Variants in CLTRN observed in about 807,000 individuals in gnomAD.
CLTRN encodes the protein collectrin.
In CLTRN, 12 loss-of-function variants were observed where a neutral mutation model predicts 14.5. That is an observed-to-expected ratio of 0.83 (90% confidence interval 0.53 to 1.34). The LOEUF is 1.34. Among genes scored for constraint, CLTRN ranks in the 40% most tolerant of loss-of-function variants. The pLI is 0.00. For synonymous variants in CLTRN, 58 were observed against 56.5 expected, an observed-to-expected ratio of 1.03 and a Z score of -0.12; for missense variants, 154 against 165.1, an observed-to-expected ratio of 0.93 and a Z score of 0.37.
intron 1 of CLTRN, among the ~76,000 whole-genome samples, chrX:15,670,482 A>G (rs1929697955): frequency 9.0e-6 from 1 of 111,617 alleles, no homozygotes; most frequent in Non-Finnish European, 1.9e-5. Context: ...ATATATAATA[A>G]ACAATATCAA....
intron 1 of CLTRN, among the ~76,000 whole-genome samples, chrX:15,672,099 T>G (rs898890652): frequency 2.2e-4 from 25 of 112,257 alleles, no homozygotes; most frequent in Non-Finnish European, 4.5e-4. Flanking sequence ...AGTTAATCAC[T>G]ACCGTTTGGA....
intron 3 of CLTRN, among the ~76,000 whole-genome samples, chrX:15,647,634 C>G (rs1929119569): frequency 1.2e-5 from 1 of 80,383 alleles, no homozygotes; most frequent in Non-Finnish European, 2.5e-5. Flanking sequence ...TAGGTGCCAG[C>G]AGCACACTCA....
upstream of CLTRN, among the ~76,000 whole-genome samples, chrX:15,669,196 T>C (rs1388720344): frequency 8.9e-6 from 1 of 112,023 alleles, no homozygotes; most frequent in Non-Finnish European, 1.9e-5. Flanking sequence ...CAGCATATTA[T>C]ATTTTCCTAT....
At chrX:15,656,781 G>A (rs376990150) in intron 3 of CLTRN, among the ~76,000 whole-genome samples, 56 of 110,413 alleles carry the variant, frequency 5.1e-4, no homozygotes, top group Middle Eastern at 4.3e-3. Flanking sequence ...AACACATCTC[G>A]CTCGCCAATT....
At chrX:15,629,338 C>T (rs1267806438) in intron 5 of CLTRN, among the ~76,000 whole-genome samples, 3 of 110,606 alleles carry the variant, frequency 2.7e-5, no homozygotes, top group Admixed American at 9.7e-5. Flanking sequence ...CAATGATGAC[C>T]GAGATGGAAT....
At chrX:15,638,827 C>T (rs1030115678) in intron 5 of CLTRN, among the ~76,000 whole-genome samples, 1 of 111,884 alleles carries the variant, frequency 8.9e-6, no homozygotes, top group Admixed American at 9.5e-5. Context: ...TCTAGGTAAA[C>T]GAACTCAAGA....
At position 15,639,654 on chromosome X, in the gene CLTRN, C is replaced by T. The variant is rs766860973; in HGVS notation, c.420G>A (p.Val140=). The T allele has an allele frequency of 8.3e-7, 1 of 1,209,964 alleles. No homozygotes were observed. Among genetic ancestry groups the T allele is most frequent in the Non-Finnish European group, 1.1e-6 (1 of 894,122 alleles). The change falls in exon 5 of 6, where the codon GTG becomes GTA. Residue 140 remains valine (V), a synonymous_variant. Transcript: ENST00000380342. ...CACCAAATATAATAATCCAGATGGG[C>T]ACAGATGGGTCCATGGGTGGTGCAA... The part of the protein sequence containing the change: ...STLAPPMDPS[V]PIWIIIFGVI...
intron 5 of CLTRN, among the ~76,000 whole-genome samples, chrX:15,634,276 T>C (rs753526764): frequency 1.3e-4 from 15 of 111,909 alleles, no homozygotes; most frequent in Admixed American, 1.9e-4. Context: ...TTCTCTGATT[T>C]TGTCTTCTCA....
chrX:15,646,999 C>T, intron 3 of CLTRN: 1 of 254,447 alleles, frequency 3.9e-6, no homozygotes. Context: ...GCCGCCTGCC[C>T]TGCTGAGGAT....
At chrX:15,646,978 C>A (rs1035047831) in intron 3 of CLTRN, 2 of 253,381 alleles carry the variant, frequency 7.9e-6, no homozygotes, top group African/African-American at 5.7e-5. Flanking sequence ...TTGTCTCAAT[C>A]CTTCCTGGCG....
intron 2 of CLTRN, among the ~76,000 whole-genome samples, chrX:15,660,085 G>C (rs902637264): frequency 9.0e-6 from 1 of 111,348 alleles, no homozygotes; most frequent in Non-Finnish European, 1.9e-5. Flanking sequence ...TGGTGAGGGT[G>C]GGGGGTTGGT....
chrX:15,646,659 A>G (rs1432755879), intron 3 of CLTRN: 1 of 339,723 alleles, frequency 2.9e-6, no homozygotes, highest in African/African-American at 2.7e-5. Context: ...GCCCGCCCGC[A>G]TCCGCGTCCT....
chrX:15,654,061 G>A (rs1379510194), intron 3 of CLTRN, among the ~76,000 whole-genome samples: 1 of 112,094 alleles, frequency 8.9e-6, no homozygotes, highest in African/African-American at 3.2e-5. Context: ...CATCAATGGC[G>A]CCAGACAGGG....
chrX:15,655,759 T>C (rs1006530471), intron 3 of CLTRN, among the ~76,000 whole-genome samples: 2 of 111,775 alleles, frequency 1.8e-5, no homozygotes. Context: ...CCAGCTACTG[T>C]TACTCTAGTG....
intron 3 of CLTRN, among the ~76,000 whole-genome samples, chrX:15,655,779 C>T (rs747097608): frequency 1.3e-4 from 14 of 111,789 alleles, no homozygotes; most frequent in Non-Finnish European, 1.9e-4. Flanking sequence ...GGCAACTTGA[C>T]GGAGTCCTGA....
chrX:15,627,647 G>A lies in CLTRN; in HGVS notation c.*324C>T, dbSNP rs1928594110. On this transcript the variant is annotated 3_prime_UTR_variant, in exon 6 of 6. Transcript: ENST00000380342. Reference sequence around the variant, plus strand: ...CACTGGAAAATTTATTTTTCCTTAGGTCTTTGAAGTGTGAAAATATATACA... The same window carrying A: ...CACTGGAAAATTTATTTTTCCTTAGATCTTTGAAGTGTGAAAATATATACA... The A allele has an allele frequency of 7.0e-6, 1 of 142,918 alleles. No homozygotes were observed. Among genetic ancestry groups the A allele is most frequent in the Admixed American group, 8.8e-5 (1 of 11,410 alleles). The allele number at this position is 142,918 out of a possible 1,213,427, so 11.8% of individuals were successfully genotyped here. A position where few individuals can be genotyped will look rare whatever the true frequency, so the allele number is the denominator to read the frequency against.
At chrX:15,663,252 T>C (rs1929548978) in intron 2 of CLTRN, among the ~76,000 whole-genome samples, 1 of 112,208 alleles carries the variant, frequency 8.9e-6, no homozygotes, top group Non-Finnish European at 1.9e-5. Flanking sequence ...TAATCACCAT[T>C]ACATCCCAGC....
chrX:15,639,087 G>A (rs910962672), intron 5 of CLTRN, among the ~76,000 whole-genome samples: 1 of 111,687 alleles, frequency 9.0e-6, no homozygotes, highest in East Asian at 2.8e-4. Flanking sequence ...CCATCAAAGG[G>A]AAGGAAGTAT....
chrX:15,654,754 T>G (rs1223449143), intron 3 of CLTRN, among the ~76,000 whole-genome samples: 1 of 112,620 alleles, frequency 8.9e-6, no homozygotes, highest in African/African-American at 3.2e-5. Context: ...CAGGGCTAGG[T>G]TCCTGGGTGT....
Sources: gnomAD v4.1 joint callset for allele counts (sites outside exome capture counted in the v4.1 genomes callset) on GRCh38, gnomAD v4.1.1 for gene constraint, MANE v1.5 for transcripts, NCBI Gene and HGNC (gene_info 2026-07-23, HGNC 2026-07-21) for gene names.